Variants in ST6GAL1 observed in about 807,000 individuals in gnomAD.
ST6GAL1 encodes ST6 beta-galactoside alpha-2,6-sialyltransferase 1.
Under a neutral mutation model 38.0 loss-of-function variants are expected in ST6GAL1, and 20 were observed. The ratio of observed to expected loss-of-function variants is 0.53; its 90% CI spans 0.37 to 0.77. The LOEUF is 0.77. ST6GAL1 is among the 30% of genes least tolerant of loss of function. The pLI is 0.00. For missense variants in ST6GAL1, 432 were observed against 496.4 expected, an observed-to-expected ratio of 0.87 and a Z score of 1.23; for synonymous variants, 196 against 188.2, an observed-to-expected ratio of 1.04 and a Z score of -0.34.
At chr3:187,052,121 C>G (rs1718536331) in intron 5 of ST6GAL1, among the ~76,000 whole-genome samples, 1 of 152,038 alleles carries the variant, frequency 6.6e-6, no homozygotes, top group Non-Finnish European at 1.5e-5. Flanking sequence ...GATCCTGGAA[C>G]AGATCAGAAA....
chr3:187,068,634 G>A (rs1231460251), intron 5 of ST6GAL1, among the ~76,000 whole-genome samples: 2 of 152,152 alleles, frequency 1.3e-5, no homozygotes, highest in Middle Eastern at 3.2e-3. Context: ...TTCTGAGGAC[G>A]GTGAAGCCAC....
At chr3:187,029,664 T>G (rs989653483) in intron 2 of ST6GAL1, among the ~76,000 whole-genome samples, 2 of 152,138 alleles carry the variant, frequency 1.3e-5, no homozygotes, top group African/African-American at 4.8e-5. Flanking sequence ...TGAAGTGAAA[T>G]CAGTAAGCAT....
intron 2 of ST6GAL1, among the ~76,000 whole-genome samples, chr3:186,989,015 A>T (rs1380021717): frequency 6.6e-6 from 1 of 152,208 alleles, no homozygotes; most frequent in Non-Finnish European, 1.5e-5. Context: ...TGAAGCTACT[A>T]AAAACTAACC....
Position 186,962,550 on chromosome 3 carries a change from T to C in ST6GAL1, c.-324-1235T>C, listed in dbSNP as rs574984985. 6.0e-4 allele frequency among the ~76,000 whole-genome samples: 92 copies of C among 152,158 alleles called. 1 individual carries two copies. In the South Asian group the frequency reaches 0.019, roughly 31 times the overall value. ...GGGGGAGAGAGGAGTGTTAGGGGAA[T>C]GGGCACATTTCTCCATTGCTGGGAG... On this transcript the variant is annotated intron_variant, in intron 1 of 7. Transcript: ENST00000169298.
chr3:186,935,212 A>T (rs1045067599), intron 1 of ST6GAL1, among the ~76,000 whole-genome samples: 1 of 151,864 alleles, frequency 6.6e-6, no homozygotes, highest in Non-Finnish European at 1.5e-5. Flanking sequence ...CTTTGTGTCC[A>T]CGTGTTCTCA....
rs1382002526 is a variant in ST6GAL1, at chr3:187,077,228, G to T, written c.*1425G>T. 2 of 363,870 alleles carry T rather than the reference G, an allele frequency of 5.5e-6. No individual in the cohort carries two copies. The highest frequency in any genetic ancestry group is 9.8e-6 in the Non-Finnish European group (2 of 205,112). The allele number at this position is 363,870 out of a possible 1,614,324, so 22.5% of individuals were successfully genotyped here. ...CTTCAGGCTCTCTGGGCAGAGGCTG[G>T]CCCACTGTAGTTTGCAGACATGCTC... is the stretch of plus-strand genomic sequence containing the variant. On this transcript the variant is annotated 3_prime_UTR_variant, in exon 8 of 8. Transcript: ENST00000169298.
chr3:187,052,266 C>T (rs1271608577), intron 5 of ST6GAL1, among the ~76,000 whole-genome samples: 2 of 152,100 alleles, frequency 1.3e-5, no homozygotes, highest in Non-Finnish European at 2.9e-5. Flanking sequence ...CTGCATAGCC[C>T]ACTTTCTATT....
At chr3:187,065,042 G>A (rs1354490320) in intron 5 of ST6GAL1, among the ~76,000 whole-genome samples, 3 of 148,846 alleles carry the variant, frequency 2.0e-5, no homozygotes, top group Non-Finnish European at 3.0e-5. Flanking sequence ...TTGCTCTTGC[G>A]CTCAGGCTGG....
intron 2 of ST6GAL1, among the ~76,000 whole-genome samples, chr3:186,989,580 A>T (rs541224740): frequency 6.6e-6 from 1 of 152,286 alleles, no homozygotes; most frequent in South Asian, 2.1e-4. Flanking sequence ...ATGAAGCCCT[A>T]TGCACCATGT....
At position 187,005,497 on chromosome 3, in the gene ST6GAL1, G is replaced by T. The variant is rs909164982; in HGVS notation, c.-182-33245G>T. On this transcript the variant is annotated intron_variant, in intron 2 of 7. Coordinates refer to ENST00000169298, the MANE Select transcript of ST6GAL1 (RefSeq NM_173216.2). ...TCACCGTGTTAGCCAGGATGGTCTC[G>T]ATCTCCTGACCTCGTGATCTGCCCG... 6.6e-5 allele frequency among the ~76,000 whole-genome samples: 10 copies of T among 151,790 alleles called. No homozygotes were observed. In the South Asian group the frequency reaches 1.5e-3, roughly 22 times the overall value.
At chr3:187,068,125 G>A (rs950469732) in intron 5 of ST6GAL1, among the ~76,000 whole-genome samples, 7 of 151,952 alleles carry the variant, frequency 4.6e-5, no homozygotes, top group African/African-American at 1.7e-4. Flanking sequence ...GGTGGATCAC[G>A]AGGTCAGGAG....
intron 1 of ST6GAL1, among the ~76,000 whole-genome samples, chr3:186,951,826 C>T (rs1034302114): frequency 1.5e-4 from 23 of 152,120 alleles, no homozygotes; most frequent in African/African-American, 5.3e-4. Flanking sequence ...ATGTATTGCT[C>T]ATAGTTCTGG....
intron 1 of ST6GAL1, among the ~76,000 whole-genome samples, chr3:186,956,875 A>G (rs1467055571): frequency 6.6e-6 from 1 of 152,250 alleles, no homozygotes; most frequent in African/African-American, 2.4e-5. Context: ...GAAAGGCAGA[A>G]ATTAAAAGAG....
chr3:187,034,991 A>G (rs997670287), intron 2 of ST6GAL1, among the ~76,000 whole-genome samples: 2 of 152,212 alleles, frequency 1.3e-5, no homozygotes, highest in Non-Finnish European at 2.9e-5. Context: ...ATGATTCTAT[A>G]CCTAGAAAAC....
At chr3:187,069,837 A>G (rs1255721086) in intron 5 of ST6GAL1, among the ~76,000 whole-genome samples, 1 of 152,176 alleles carries the variant, frequency 6.6e-6, no homozygotes, top group African/African-American at 2.4e-5. Context: ...TGTTCCTGCA[A>G]GAGACAGGAA....
chr3:186,936,770 A>G (rs1482379938), intron 1 of ST6GAL1, among the ~76,000 whole-genome samples: 1 of 151,898 alleles, frequency 6.6e-6, no homozygotes, highest in African/African-American at 2.4e-5. Context: ...GTGAAACCCC[A>G]TCTCTACTAA....
chr3:187,013,599 T>C (rs1215631449), intron 2 of ST6GAL1, among the ~76,000 whole-genome samples: 1 of 152,204 alleles, frequency 6.6e-6, no homozygotes, highest in Admixed American at 6.5e-5. Context: ...TTGTTTTTGT[T>C]TTTGAGACAG....
At chr3:186,960,389 G>A (rs1183749284) in intron 1 of ST6GAL1, among the ~76,000 whole-genome samples, 1 of 152,188 alleles carries the variant, frequency 6.6e-6, no homozygotes, top group Non-Finnish European at 1.5e-5. Context: ...TGAGGAGAAG[G>A]AAGGAGTTGA....
At position 186,974,031 on chromosome 3, in the gene ST6GAL1, CTG is replaced by C. The variant is rs370236056; in HGVS notation, c.-183+10108_-183+10109del. Among the ~76,000 whole-genome samples, 893 of 152,294 alleles carry C rather than the reference CTG, an allele frequency of 5.9e-3. 8 individuals are homozygous for C. Among genetic ancestry groups the C allele is most frequent in the African/African-American group, 0.02 (841 of 41,560 alleles). On this transcript the variant is annotated intron_variant, in intron 2 of 7. Coordinates refer to ENST00000169298, the MANE Select transcript of ST6GAL1 (RefSeq NM_173216.2). ...TGTGGGGGTTGCTGTGGAGGAAGCT[CTG>C]TGGTGTTGCGTGAATGAACCACAGC...
Sources: allele counts gnomAD v4.1 joint callset (sites outside exome capture counted in the v4.1 genomes callset), GRCh38; gene constraint gnomAD v4.1.1; transcripts MANE v1.5; gene names NCBI Gene and HGNC (gene_info 2026-07-23, HGNC 2026-07-21).